The following PRORP variants were observed in gnomAD, a reference collection of about 807,000 sequenced individuals.
PRORP encodes mitochondrial ribonuclease P catalytic subunit.
PRORP carries 51 observed loss-of-function variants against 59.4 expected under a neutral mutation model. That is an observed-to-expected ratio of 0.86 (90% CI 0.69 to 1.08). PRORP has a LOEUF of 1.08. Ranked by LOEUF, PRORP falls within the 50% of genes least tolerant of loss-of-function variation. The pLI, the probability that PRORP is intolerant of heterozygous loss-of-function variation, is 0.00. For missense variants in PRORP, 646 were observed against 690.3 expected (o/e 0.94, Z 0.72); for synonymous variants, 231 against 245.6 (o/e 0.94, Z 0.55).
chr14:35,181,783 C>CCA (rs534136447), intron 5 of PRORP, among the ~76,000 whole-genome samples: 46,591 of 109,106 alleles, frequency 0.43, 8,031 homozygotes, highest in East Asian at 0.66. Flanking sequence ...AAAACTGTCT[C>CCA]AAAAAAAAAA....
At chr14:35,171,309 G>A (rs1202865757) in intron 4 of PRORP, among the ~76,000 whole-genome samples, 4 of 152,166 alleles carry the variant, frequency 2.6e-5, no homozygotes, top group Non-Finnish European at 5.9e-5. Context: ...TTGCAGGCTT[G>A]CTGGTGATGA....
At chr14:35,269,730 T>C (rs980684524) in intron 6 of PRORP, among the ~76,000 whole-genome samples, 4 of 152,218 alleles carry the variant, frequency 2.6e-5, no homozygotes, top group African/African-American at 9.6e-5. Flanking sequence ...TAAATGGTCC[T>C]ATTTAGGGTC....
intron 4 of PRORP, among the ~76,000 whole-genome samples, chr14:35,153,586 T>C (rs1373140320): frequency 6.6e-6 from 1 of 152,224 alleles, no homozygotes; most frequent in Non-Finnish European, 1.5e-5. Context: ...CTTCCCTGTG[T>C]TCATAATGAA....
chr14:35,183,147 A>G (rs1248603229), intron 5 of PRORP, among the ~76,000 whole-genome samples: 3 of 152,132 alleles, frequency 2.0e-5, no homozygotes, highest in Non-Finnish European at 4.4e-5. Context: ...TTATCCATGT[A>G]TAGATAAATG....
chr14:35,152,738 C>T (rs1388927584), intron 4 of PRORP, among the ~76,000 whole-genome samples: 1 of 150,676 alleles, frequency 6.6e-6, no homozygotes, highest in Non-Finnish European at 1.5e-5. Flanking sequence ...AGAGACGCTC[C>T]TCACCTCCCA....
chr14:35,160,079 G>T (rs1183700382), intron 4 of PRORP, among the ~76,000 whole-genome samples: 1 of 152,206 alleles, frequency 6.6e-6, no homozygotes, highest in East Asian at 1.9e-4. Context: ...TTGATTACTG[G>T]TGGAATGACT....
intron 7 of PRORP, among the ~76,000 whole-genome samples, chr14:35,271,579 CTA>C (rs1307485149): frequency 6.6e-6 from 1 of 152,100 alleles, no homozygotes; most frequent in Non-Finnish European, 1.5e-5. Context: ...TAATTCATTT[CTA>C]TGACAGTCTC....
At chr14:35,220,419 C>T (rs1202833080) in intron 5 of PRORP, among the ~76,000 whole-genome samples, 2 of 152,180 alleles carry the variant, frequency 1.3e-5, no homozygotes, top group East Asian at 3.8e-4. Context: ...AAAGACTAGT[C>T]CCATGATTCT....
rs1358910561 is a variant in PRORP, at chr14:35,123,707, T to C, written c.462T>C (p.Ser154=). The C allele has an allele frequency of 1.9e-6, 3 of 1,614,238 alleles. No homozygotes were observed. Among genetic ancestry groups the C allele is most frequent in the Non-Finnish European group, 2.5e-6 (3 of 1,180,040 alleles). ...CACAGATGGCTGGCTGTCATAGCTC[T>C]ATAGATGTGGCTAAATCTCTGCTGG... is the stretch of plus-strand genomic sequence containing the variant. The part of the protein sequence containing the change: ...IISQMAGCHS[S]IDVAKSLLAW... The change falls in exon 2 of 8, where the codon TCT becomes TCC. Residue 154 remains serine (S), a synonymous_variant. Transcript: ENST00000534898.
chr14:35,235,267 G>T, intron 5 of PRORP: 1 of 698,096 alleles, frequency 1.4e-6, no homozygotes, highest in East Asian at 3.1e-5. Flanking sequence ...TGCCTCCCTA[G>T]TGATGGCGGA....
At chr14:35,256,089 G>T (rs1302507430) in intron 5 of PRORP, among the ~76,000 whole-genome samples, 6 of 151,548 alleles carry the variant, frequency 4.0e-5, no homozygotes, top group South Asian at 2.1e-4. Context: ...TTTGAGACCA[G>T]CCTGGCCAAC....
chr14:35,259,373 T>C (rs1258098402), intron 5 of PRORP, among the ~76,000 whole-genome samples: 1 of 152,186 alleles, frequency 6.6e-6, no homozygotes, highest in Non-Finnish European at 1.5e-5. Context: ...AGATAGCATA[T>C]AGTTGGGTCA....
chr14:35,214,145 G>A (rs1030971864), intron 5 of PRORP, among the ~76,000 whole-genome samples: 12 of 152,090 alleles, frequency 7.9e-5, no homozygotes, highest in African/African-American at 2.9e-4. Context: ...TCAAATAAGA[G>A]GAAAACAGCA....
chr14:35,142,846 C>CA (rs540463728), intron 4 of PRORP, among the ~76,000 whole-genome samples: 13,802 of 129,586 alleles, frequency 0.11, 2,200 homozygotes, highest in Middle Eastern at 0.17. Flanking sequence ...ACTCTTGTCT[C>CA]AAAAAAAAAA....
intron 5 of PRORP, among the ~76,000 whole-genome samples, chr14:35,261,293 G>A: frequency 6.6e-6 from 1 of 152,114 alleles, no homozygotes. Flanking sequence ...GTCTTCTTAT[G>A]TTTATTTTAT....
intron 2 of PRORP, among the ~76,000 whole-genome samples, chr14:35,126,238 A>T (rs1373062122): frequency 2.6e-5 from 4 of 152,138 alleles, no homozygotes; most frequent in Admixed American, 6.6e-5. Context: ...GGAGGAAAGG[A>T]TACATTGATT....
intron 4 of PRORP, among the ~76,000 whole-genome samples, chr14:35,129,095 C>G (rs2047169953): frequency 6.6e-6 from 1 of 151,612 alleles, no homozygotes; most frequent in Non-Finnish European, 1.5e-5. Context: ...GTAATCCCAG[C>G]TACTCGTGAG....
chr14:35,181,716 C>T (rs1187180990), intron 5 of PRORP, among the ~76,000 whole-genome samples: 15 of 137,984 alleles, frequency 1.1e-4, no homozygotes, highest in African/African-American at 3.3e-4. Flanking sequence ...ACCTGGGAGG[C>T]GGAGGTTGCA....
At chr14:35,132,362 G>T (rs1384495490) in intron 4 of PRORP, among the ~76,000 whole-genome samples, 1 of 151,890 alleles carries the variant, frequency 6.6e-6, no homozygotes, top group Non-Finnish European at 1.5e-5. Flanking sequence ...GGAGGCTGAG[G>T]CAGGAGAATC....
Sources: allele counts gnomAD v4.1 joint callset (sites outside exome capture counted in the v4.1 genomes callset), GRCh38; gene constraint gnomAD v4.1.1; transcripts MANE v1.5; gene names NCBI Gene and HGNC (gene_info 2026-07-23, HGNC 2026-07-21).